PIK3C2G: variants seen among roughly 807,000 people sequenced by gnomAD.
PIK3C2G encodes the protein phosphatidylinositol-4-phosphate 3-kinase catalytic subunit type 2 gamma.
In PIK3C2G, 168 loss-of-function variants were observed where a neutral mutation model predicts 181.1. The observed-to-expected ratio is 0.93, with a 90% CI of 0.82 to 1.05. PIK3C2G has a LOEUF of 1.05. Among genes scored for constraint, PIK3C2G ranks in the 50% least tolerant of loss-of-function variants. The pLI, the probability that PIK3C2G is intolerant of heterozygous loss-of-function variation, is 0.00. For missense variants in PIK3C2G, 1,869 were observed against 1,732.8 expected, an observed-to-expected ratio of 1.08 and a Z score of -1.40; for synonymous variants, 573 against 592.2, an observed-to-expected ratio of 0.97 and a Z score of 0.47.
chr12:18,303,020 C>A (rs550670048), intron 5 of PIK3C2G, among the ~76,000 whole-genome samples: 1 of 152,176 alleles, frequency 6.6e-6, no homozygotes. Flanking sequence ...TCAGACCCCC[C>A]AGTGGTACAC....
Position 18,273,432 on chromosome 12 carries a change from C to T in PIK3C2G, c.-78-8572C>T, listed in dbSNP as rs373455988. ...GATGCCCCCAGCTTTGTTCTTTTGG[C>T]TTAGGATTGACTTGGCAATGCGGGC... On this transcript the variant is annotated intron_variant, in intron 1 of 32. Coordinates refer to ENST00000538779, the MANE Select transcript of PIK3C2G (RefSeq NM_001288772.2). Among the ~76,000 whole-genome samples, 11 of 152,184 alleles carry T rather than the reference C, an allele frequency of 7.2e-5. No individual in the cohort carries two copies. The East Asian group carries it at 2.1e-3, about 29-fold the overall frequency.
At chr12:18,266,929 A>G (rs1948526939) in intron 1 of PIK3C2G, among the ~76,000 whole-genome samples, 1 of 151,312 alleles carries the variant, frequency 6.6e-6, no homozygotes. Flanking sequence ...TTTTCTGGTT[A>G]TGTATATATG....
intron 29 of PIK3C2G, among the ~76,000 whole-genome samples, chr12:18,580,776 T>G (rs1946455985): frequency 6.6e-6 from 1 of 152,226 alleles, no homozygotes; most frequent in Admixed American, 6.5e-5. Flanking sequence ...AAAATAAAAT[T>G]ACTGTTCAAC....
rs1938763731 is a variant in PIK3C2G at position 18,338,459 on chromosome 12, A to C, written c.1306A>C (p.Lys436Gln). 6.3e-7 allele frequency: 1 copy of C among 1,576,230 alleles called. No individual in the cohort carries two copies. Among genetic ancestry groups the C allele is most frequent in the Admixed American group, 1.7e-5 (1 of 59,266 alleles). The change falls in exon 9 of 33, where the codon AAA (lysine) becomes CAA (glutamine). Residue 436 changes from lysine to glutamine, a missense_variant. Physicochemically the swap from Lys to Gln is moderately conservative, Grantham distance 53 (BLOSUM62 1). Coordinates refer to ENST00000538779, the MANE Select transcript of PIK3C2G (RefSeq NM_001288772.2). ...GTATAATATTATTGAAGAAGTTAAA[A>C]AAATATGCAGTGTTCTAGGGTGTGT... Reference protein sequence around the residue: ...NVYNIIEEVKKICSVLGCVET... With the variant: ...NVYNIIEEVKQICSVLGCVET...
At chr12:18,332,673 C>A (rs1304991340) in intron 8 of PIK3C2G, among the ~76,000 whole-genome samples, 1 of 152,180 alleles carries the variant, frequency 6.6e-6, no homozygotes, top group Middle Eastern at 3.4e-3. Context: ...TACTTCTCCC[C>A]CAGAGACAAG....
intron 31 of PIK3C2G, among the ~76,000 whole-genome samples, chr12:18,624,845 C>T (rs1303735789): frequency 6.6e-6 from 1 of 151,560 alleles, no homozygotes; most frequent in Non-Finnish European, 1.5e-5. Flanking sequence ...GTAATAGTCT[C>T]TTGTGATCTT....
intron 18 of PIK3C2G, among the ~76,000 whole-genome samples, chr12:18,463,328 C>G (rs1948023600): frequency 6.6e-6 from 1 of 152,134 alleles, no homozygotes; most frequent in South Asian, 2.1e-4. Flanking sequence ...CAGCAAGAAA[C>G]TGAAGCATTA....
intron 30 of PIK3C2G, among the ~76,000 whole-genome samples, chr12:18,606,953 G>T (rs1005018784): frequency 2.6e-5 from 4 of 152,064 alleles, no homozygotes; most frequent in African/African-American, 9.7e-5. Flanking sequence ...GGTTACTCTT[G>T]TTATTAAATA....
the PIK3C2G span, among the ~76,000 whole-genome samples, chr12:18,654,294 T>TA: frequency 0.066 from 9,402 of 142,610 alleles, 421 homozygotes; most frequent in East Asian, 0.19. Flanking sequence ...CACTAGTACC[T>TA]AAAAAAAAAA....
downstream of PIK3C2G, among the ~76,000 whole-genome samples, chr12:18,651,243 G>C (rs1950502448): frequency 2.0e-5 from 3 of 151,962 alleles, no homozygotes; most frequent in Admixed American, 6.6e-5. Flanking sequence ...TTTGTGCCCT[G>C]TATCCATTTG....
At chr12:18,642,193 G>A (rs1280289133) in intron 32 of PIK3C2G, among the ~76,000 whole-genome samples, 1 of 152,132 alleles carries the variant, frequency 6.6e-6, no homozygotes, top group Non-Finnish European at 1.5e-5. Context: ...CTAGCACTGA[G>A]TCTCAAAGAT....
intron 26 of PIK3C2G, among the ~76,000 whole-genome samples, chr12:18,555,720 T>C (rs1944973784): frequency 6.6e-6 from 1 of 152,134 alleles, no homozygotes; most frequent in African/African-American, 2.4e-5. Flanking sequence ...AAAGGTTCAT[T>C]GTCTTAGTAC....
chr12:18,269,969 G>A (rs753760278), intron 1 of PIK3C2G, among the ~76,000 whole-genome samples: 14 of 146,184 alleles, frequency 9.6e-5, no homozygotes, highest in Admixed American at 6.3e-4. Flanking sequence ...GAGTGCAGTG[G>A]TGAGATCTTA....
the PIK3C2G span, chr12:18,701,427 T>C: frequency 6.2e-7 from 1 of 1,603,944 alleles, no homozygotes; most frequent in Non-Finnish European, 8.5e-7. Flanking sequence ...CTCCAGAATT[T>C]TAAAAAAATC....
chr12:18,719,714 TACTC>T, the PIK3C2G span: 9 of 913,864 alleles, frequency 9.8e-6, no homozygotes, highest in East Asian at 2.7e-5. Context: ...CTTGTAAACT[TACTC>T]AGTAGTAGAG....
intron 30 of PIK3C2G, among the ~76,000 whole-genome samples, chr12:18,601,918 C>G (rs898949274): frequency 5.9e-5 from 9 of 152,192 alleles, no homozygotes; most frequent in African/African-American, 2.2e-4. Context: ...CAGCCCATTC[C>G]TGCCTGGCAC....
chr12:18,677,735 G>T, the PIK3C2G span, among the ~76,000 whole-genome samples: 1 of 152,136 alleles, frequency 6.6e-6, no homozygotes, highest in Middle Eastern at 3.4e-3. Context: ...TTCAGATAAG[G>T]TTAAGAACAA....
chr12:18,382,009 T>C (rs911859713), intron 14 of PIK3C2G, 129 bp downstream of exon 14: 9 of 650,030 alleles, frequency 1.4e-5, no homozygotes, highest in Non-Finnish European at 1.7e-5. Flanking sequence ...TCCAGCCTTC[T>C]GGGATTTGTG....
intron 30 of PIK3C2G, among the ~76,000 whole-genome samples, chr12:18,595,727 A>G (rs1406206482): frequency 6.6e-6 from 1 of 152,150 alleles, no homozygotes; most frequent in East Asian, 1.9e-4. Context: ...GGTGCTTAAA[A>G]AGTTCTTGCA....
Sources: allele counts gnomAD v4.1 joint callset (sites outside exome capture counted in the v4.1 genomes callset), GRCh38; gene constraint gnomAD v4.1.1; transcripts MANE v1.5; gene names NCBI Gene and HGNC (gene_info 2026-07-23, HGNC 2026-07-21).